The following MYO10 variants were observed in gnomAD, a reference collection of about 807,000 sequenced individuals.
MYO10 encodes unconventional myosin-X.
In MYO10, 133 loss-of-function variants were observed where a neutral mutation model predicts 257.3. The ratio of observed to expected loss-of-function variants is 0.52; its 90% CI spans 0.45 to 0.60. The LOEUF is 0.60. MYO10 is among the 20% of genes least tolerant of loss of function. MYO10 has a pLI of 0.00. For missense variants in MYO10, 2,399 were observed against 2,635.7 expected, an observed-to-expected ratio of 0.91 and a Z score of 1.97; for synonymous variants, 1,104 against 1,028.6, an observed-to-expected ratio of 1.07 and a Z score of -1.40.
At chr5:16,787,445 G>A (rs373071947) in intron 4 of MYO10, among the ~76,000 whole-genome samples, 9 of 151,864 alleles carry the variant, frequency 5.9e-5, no homozygotes, top group East Asian at 1.9e-4. Flanking sequence ...TGTCTAACCC[G>A]TCTCCTCCTC....
At chr5:16,681,179 G>GAT (rs3217322) in intron 32 of MYO10, 130 bp downstream of exon 32, 321,665 of 1,010,996 alleles carry the variant, frequency 0.32, 52,562 homozygotes, top group South Asian at 0.43. Context: ...AGGCTTAGAA[G>GAT]ATAAACCAAG....
At chr5:16,935,672 C>G in intron 1 of MYO10, 116 bp downstream of exon 1, 1 of 1,238,608 alleles carries the variant, frequency 8.1e-7, no homozygotes, top group Non-Finnish European at 1.2e-6. Context: ...TCAGGAGACT[C>G]CCAGAAAGTT....
chr5:16,818,669 C>T (rs1742714829), intron 2 of MYO10, among the ~76,000 whole-genome samples: 1 of 151,556 alleles, frequency 6.6e-6, no homozygotes, highest in African/African-American at 2.4e-5. Context: ...AACCCCTGGG[C>T]TCAAGCAATC....
intron 3 of MYO10, among the ~76,000 whole-genome samples, chr5:16,811,301 G>A (rs992130786): frequency 6.6e-5 from 10 of 152,192 alleles, no homozygotes; most frequent in Admixed American, 2.0e-4. Flanking sequence ...GTAGCTATGA[G>A]ACCAAAAATG....
rs181570930 is a variant in MYO10, at chr5:16,899,498, G to A, written c.22-21791C>T. Among the ~76,000 whole-genome samples, 796 of 151,880 alleles carry A rather than the reference G, an allele frequency of 5.2e-3. 8 individuals are homozygous for A. Among genetic ancestry groups the A allele is most frequent in the Non-Finnish European group, 7.5e-3 (513 of 67,948 alleles). Reference sequence around the variant, plus strand: ...TAAACATACAAAAAATTAGCAGAGCGTTGTGGCGTGTGCCTGTAATCCCAG... The same window carrying A: ...TAAACATACAAAAAATTAGCAGAGCATTGTGGCGTGTGCCTGTAATCCCAG... On this transcript the variant is annotated intron_variant, in intron 1 of 40. Transcript: ENST00000513610.
At chr5:16,791,999 T>A (rs1019380855) in intron 4 of MYO10, among the ~76,000 whole-genome samples, 2 of 152,128 alleles carry the variant, frequency 1.3e-5, no homozygotes, top group African/African-American at 4.8e-5. Flanking sequence ...ACAGTCCCTC[T>A]ATCCAAGTTG....
At chr5:16,671,608 C>T in intron 37 of MYO10, 66 bp from the exon 38 acceptor site, 1 of 1,587,506 alleles carries the variant, frequency 6.3e-7, no homozygotes. Flanking sequence ...CCCGCAGGGA[C>T]CTGACTTTAC....
At chr5:16,841,697 A>G (rs1380636157) in intron 2 of MYO10, among the ~76,000 whole-genome samples, 1 of 152,174 alleles carries the variant, frequency 6.6e-6, no homozygotes, top group Middle Eastern at 3.2e-3. Context: ...GCTCTCCTTC[A>G]ACAAAGCCAA....
intron 5 of MYO10, 53 bp downstream of exon 5, chr5:16,783,282 T>C: frequency 1.4e-6 from 2 of 1,478,430 alleles, no homozygotes. Flanking sequence ...AAATAAGCCA[T>C]ACCATAAGGA....
intron 1 of MYO10, among the ~76,000 whole-genome samples, chr5:16,903,528 C>T (rs113800432): frequency 0.019 from 2,823 of 152,316 alleles, 76 homozygotes; most frequent in African/African-American, 0.063. Flanking sequence ...AGTTTTTCTC[C>T]TCTTTTTGAA....
intron 22 of MYO10, among the ~76,000 whole-genome samples, chr5:16,703,864 G>A (rs957539558): frequency 2.2e-4 from 29 of 132,806 alleles, no homozygotes; most frequent in Admixed American, 7.6e-4. Context: ...CCAGACGAGC[G>A]AGCGAGACTC....
intron 6 of MYO10, among the ~76,000 whole-genome samples, chr5:16,781,348 G>A (rs1012043723): frequency 1.3e-5 from 2 of 152,122 alleles, no homozygotes; most frequent in Non-Finnish European, 2.9e-5. Flanking sequence ...CCACAGTGCT[G>A]GGATTACAGG....
intron 2 of MYO10, among the ~76,000 whole-genome samples, chr5:16,840,843 A>T (rs1240362762): frequency 2.6e-5 from 4 of 152,186 alleles, no homozygotes; most frequent in South Asian, 2.1e-4. Flanking sequence ...AATTTTTTTT[A>T]AAAAAGGAGA....
intron 2 of MYO10, among the ~76,000 whole-genome samples, chr5:16,842,877 C>T (rs147430836): frequency 1.4e-5 from 2 of 146,744 alleles, no homozygotes; most frequent in African/African-American, 5.1e-5. Flanking sequence ...CTGGATGACG[C>T]AGTGAGACCC....
intron 19 of MYO10, among the ~76,000 whole-genome samples, chr5:16,718,439 G>A (rs1177243653): frequency 1.3e-5 from 2 of 152,214 alleles, no homozygotes; most frequent in Admixed American, 1.3e-4. Flanking sequence ...GACGTGGAGA[G>A]TATTTATATC....
At position 16,670,401 on chromosome 5, in the gene MYO10, C is replaced by T. The variant is rs1016734324; in HGVS notation, c.5883+125G>A. The T allele has an allele frequency of 1.0e-5, 8 of 790,246 alleles. No individual in the cohort carries two copies. In the East Asian group the frequency reaches 1.3e-4, roughly 13 times the overall value. 49.0% of individuals were successfully genotyped at this position (790,246 alleles called of 1,614,324 possible). A position where few individuals can be genotyped will look rare whatever the true frequency, so the allele number is the denominator to read the frequency against. On this transcript the variant is annotated intron_variant, in intron 39 of 40. Coordinates refer to ENST00000513610, the MANE Select transcript of MYO10 (RefSeq NM_012334.3). ...CGTTAATGGTACAATTCTGGGGGCT[C>T]GAATAAAAGAGGTTGAGAGAGCAAA...
intron 10 of MYO10, among the ~76,000 whole-genome samples, chr5:16,768,342 G>C (rs972694033): frequency 1.3e-5 from 2 of 152,102 alleles, no homozygotes; most frequent in African/African-American, 4.8e-5. Flanking sequence ...AAGAACACAG[G>C]AAACAGTATG....
chr5:16,851,227 G>T (rs1442713592), intron 2 of MYO10, among the ~76,000 whole-genome samples: 2 of 152,178 alleles, frequency 1.3e-5, no homozygotes, highest in Non-Finnish European at 2.9e-5. Context: ...TTATGTTCCG[G>T]AGACTCTGTT....
intron 1 of MYO10, among the ~76,000 whole-genome samples, chr5:16,919,414 A>G (rs1428891602): frequency 3.9e-5 from 6 of 152,060 alleles, no homozygotes; most frequent in African/African-American, 1.2e-4. Flanking sequence ...AATCTACCAG[A>G]ACAACTGCCT....
Sources: gnomAD v4.1 joint callset for allele counts (sites outside exome capture counted in the v4.1 genomes callset) on GRCh38, gnomAD v4.1.1 for gene constraint, MANE v1.5 for transcripts, NCBI Gene and HGNC (gene_info 2026-07-23, HGNC 2026-07-21) for gene names.